HEMK2: variants seen among roughly 807,000 people sequenced by gnomAD.
HEMK2 encodes the protein HemK methyltransferase 2, ETF1 glutamine and histone H4 lysine, also known as methyltransferase HEMK2.
At chr21:28,681,742 T>C in the HEMK2 span, among the ~76,000 whole-genome samples, 1 of 150,892 alleles carries the variant, frequency 6.6e-6, no homozygotes, top group Non-Finnish European at 1.5e-5. Flanking sequence ...TCAGAAATAA[T>C]GCCGCATATT....
At chr21:28,655,534 G>A in the HEMK2 span, among the ~76,000 whole-genome samples, 42 of 152,124 alleles carry the variant, frequency 2.8e-4, no homozygotes, top group South Asian at 1.5e-3. Flanking sequence ...CAGACTGGTG[G>A]GTAAAACCTT....
At chr21:28,774,137 A>G in the HEMK2 span, among the ~76,000 whole-genome samples, 1 of 152,158 alleles carries the variant, frequency 6.6e-6, no homozygotes, top group African/African-American at 2.4e-5. Flanking sequence ...CTTCAAAATA[A>G]AAGAGATTGA....
the HEMK2 span, among the ~76,000 whole-genome samples, chr21:28,816,896 G>A: frequency 1.2e-4 from 19 of 152,172 alleles, no homozygotes; most frequent in Admixed American, 6.5e-4. Flanking sequence ...GAAGACATGA[G>A]ATGATAACTT....
chr21:28,725,786 TA>T, the HEMK2 span, among the ~76,000 whole-genome samples: 1 of 152,216 alleles, frequency 6.6e-6, no homozygotes, highest in Admixed American at 6.5e-5. Context: ...ATCTATTCCC[TA>T]AAATAATTTC....
At chr21:28,822,926 T>C in the HEMK2 span, among the ~76,000 whole-genome samples, 929 of 152,280 alleles carry the variant, frequency 6.1e-3, 8 homozygotes, top group Non-Finnish European at 6.5e-3. Context: ...TGCTGACAAC[T>C]GTAGTATGTT....
chr21:28,748,821 T>C, the HEMK2 span, among the ~76,000 whole-genome samples: 1 of 152,214 alleles, frequency 6.6e-6, no homozygotes, highest in East Asian at 1.9e-4. Flanking sequence ...AGAATTTCCA[T>C]TTTCTAGTTT....
chr21:28,838,976 TATATATATATATATATATATATATAC>T, the HEMK2 span, among the ~76,000 whole-genome samples: 64 of 29,498 alleles, frequency 2.2e-3, 1 homozygote, highest in African/African-American at 0.011. Context: ...AAAAAAAATA[TATATATATATATATATATATATATAC>T]ATATATATAC....
At chr21:28,832,480 A>G in the HEMK2 span, among the ~76,000 whole-genome samples, 2 of 152,248 alleles carry the variant, frequency 1.3e-5, no homozygotes, top group African/African-American at 2.4e-5. Flanking sequence ...TCTTTTGAAC[A>G]CAAATTTAAT....
chr21:28,773,482 TTC>T, the HEMK2 span, among the ~76,000 whole-genome samples: 2 of 152,182 alleles, frequency 1.3e-5, no homozygotes, highest in Admixed American at 6.5e-5. Flanking sequence ...TAATAGAAGA[TTC>T]TCTCTTTTAA....
At chr21:28,621,926 T>C in the HEMK2 span, among the ~76,000 whole-genome samples, 3 of 152,358 alleles carry the variant, frequency 2.0e-5, no homozygotes, top group South Asian at 4.1e-4. Flanking sequence ...TTTACCATTA[T>C]GTAACGCCCT....
chr21:28,863,407 CTTTTATATATATATATATATATAT>C, the HEMK2 span, among the ~76,000 whole-genome samples: 29 of 66,470 alleles, frequency 4.4e-4, no homozygotes, highest in African/African-American at 2.1e-3. Context: ...AATAAACTCC[CTTTTATATATATATATATATATAT>C]ATATATATAT....
At chr21:28,837,920 A>G in the HEMK2 span, among the ~76,000 whole-genome samples, 1 of 152,212 alleles carries the variant, frequency 6.6e-6, no homozygotes, top group Admixed American at 6.5e-5. Flanking sequence ...ACCTTTACAC[A>G]CATAAACTAG....
At chr21:28,699,753 T>C in the HEMK2 span, among the ~76,000 whole-genome samples, 1 of 152,202 alleles carries the variant, frequency 6.6e-6, no homozygotes, top group Non-Finnish European at 1.5e-5. Context: ...CACAAACATG[T>C]CTGTCCTCTT....
chr21:28,850,468 C>T, the HEMK2 span, among the ~76,000 whole-genome samples: 1 of 152,112 alleles, frequency 6.6e-6, no homozygotes, highest in African/African-American at 2.4e-5. Flanking sequence ...TCGTGATCCG[C>T]CTGCCTCGGC....
chr21:28,604,473 C>T, the HEMK2 span, among the ~76,000 whole-genome samples: 142 of 152,218 alleles, frequency 9.3e-4, no homozygotes, highest in Non-Finnish European at 1.6e-3. Flanking sequence ...TGTACCATTC[C>T]CTATATGAGA....
the HEMK2 span, among the ~76,000 whole-genome samples, chr21:28,614,005 CA>C: frequency 2.0e-5 from 3 of 152,140 alleles, no homozygotes; most frequent in Admixed American, 2.0e-4. Flanking sequence ...CTAGAAGCAG[CA>C]ACAAACCAAT....
At chr21:28,707,324 C>T in the HEMK2 span, among the ~76,000 whole-genome samples, 897 of 147,790 alleles carry the variant, frequency 6.1e-3, 10 homozygotes, top group Middle Eastern at 0.018. Flanking sequence ...GGCATGATCT[C>T]AGCTCACTGC....
the HEMK2 span, among the ~76,000 whole-genome samples, chr21:28,655,954 T>C: frequency 2.0e-5 from 3 of 152,100 alleles, no homozygotes; most frequent in African/African-American, 7.2e-5. Context: ...ATATCCTATC[T>C]TACTCCTAGC....
At chr21:28,632,763 C>T in the HEMK2 span, among the ~76,000 whole-genome samples, 2 of 152,192 alleles carry the variant, frequency 1.3e-5, no homozygotes, top group Non-Finnish European at 2.9e-5. Context: ...TCTTGCTGTA[C>T]AGTTTGGATT....
Sources: gnomAD v4.1 joint callset for allele counts (sites outside exome capture counted in the v4.1 genomes callset) on GRCh38, gnomAD v4.1.1 for gene constraint, MANE v1.5 for transcripts, NCBI Gene and HGNC (gene_info 2026-07-23, HGNC 2026-07-21) for gene names.